ABI3BP: variants seen among roughly 807,000 people sequenced by gnomAD.
The protein encoded by ABI3BP is target of Nesh-SH3.
Under a neutral mutation model 268.6 loss-of-function variants are expected in ABI3BP, and 216 were observed. The observed-to-expected ratio is 0.80, with a 90% CI of 0.72 to 0.90. The LOEUF is 0.90. Ranked by LOEUF, ABI3BP falls within the 40% of genes least tolerant of loss-of-function variation. The probability of loss-of-function intolerance (pLI) is 0.00; values close to 1 mark genes in which losing one functional copy is unlikely to be tolerated. For missense variants in ABI3BP, 2,090 were observed against 2,182.4 expected, an observed-to-expected ratio of 0.96 and a Z score of 0.84; for synonymous variants, 730 against 730.0, an observed-to-expected ratio of 1.00 and a Z score of 0.00.
chr3:100,913,081 A>T (rs972927851), intron 2 of ABI3BP, among the ~76,000 whole-genome samples: 5 of 152,260 alleles, frequency 3.3e-5, no homozygotes, highest in African/African-American at 4.8e-5. Context: ...CACTTATTGA[A>T]AGGCTACTTA....
In ABI3BP at chr3:100,849,224, C is replaced by CTTTT. The variant is rs547312079; in HGVS notation, c.1502-353_1502-350dup. On this transcript the variant is annotated intron_variant, in intron 17 of 67. Transcript: ENST00000471714. The stretch of plus-strand genomic sequence containing the variant: ...CACAAATAATGGAAATTTGGAACTA[C>CTTTT]TTTTTTTTTTTTTTTTTTTGGAGAC... Among the ~76,000 whole-genome samples the CTTTT allele has an allele frequency of 2.0e-3, 248 of 125,500 alleles. 6 individuals carry two copies. The highest frequency in any genetic ancestry group is 2.6e-3 in the South Asian group (10 of 3,842). 82.3% of individuals were successfully genotyped at this position (125,500 alleles called of 152,430 possible).
At position 100,765,928 on chromosome 3, in the gene ABI3BP, TC is replaced by T; in HGVS notation, c.4762del (p.Glu1588LysfsTer14). ...GTTCTTCCCACTGAATGACCCATTT[TC>T]TCTGGATATAACTTCATATTCTGTA... ...TVTEYEVISRENGSFSGKNKS... is the reference protein window; with the variant it reads ...TVTEYEVISRXNGSFSGKNKS... On this transcript the variant is annotated frameshift_variant, in exon 63 of 68. Transcript: ENST00000471714. LOFTEE classifies it high-confidence loss of function. The T allele has an allele frequency of 6.2e-7, 1 of 1,611,722 alleles. No homozygotes were observed. Among genetic ancestry groups the T allele is most frequent in the South Asian group, 1.1e-5 (1 of 90,620 alleles).
chr3:100,913,158 T>G (rs2057380902), intron 2 of ABI3BP, among the ~76,000 whole-genome samples: 1 of 152,138 alleles, frequency 6.6e-6, no homozygotes, highest in South Asian at 2.1e-4. Flanking sequence ...ATTGTCCTAT[T>G]CCGGTGACAA....
chr3:100,969,712 G>C (rs2082748325), intron 1 of ABI3BP, among the ~76,000 whole-genome samples: 1 of 152,162 alleles, frequency 6.6e-6, no homozygotes, highest in Non-Finnish European at 1.5e-5. Context: ...AAGGAAGAAT[G>C]ACTTTTGCTG....
intron 1 of ABI3BP, among the ~76,000 whole-genome samples, chr3:100,983,912 T>A (rs950422596): frequency 6.6e-6 from 1 of 152,080 alleles, no homozygotes; most frequent in Admixed American, 6.6e-5. Flanking sequence ...AGTCTGAAAA[T>A]TTTTTCAAAC....
chr3:100,806,834 T>C (rs1017434583), intron 50 of ABI3BP, among the ~76,000 whole-genome samples: 2 of 151,778 alleles, frequency 1.3e-5, no homozygotes, highest in Non-Finnish European at 2.9e-5. Context: ...TGGCTAAAAG[T>C]CTAAGTCAAA....
chr3:100,823,000 C>G (rs998537699), intron 37 of ABI3BP, among the ~76,000 whole-genome samples: 1 of 152,098 alleles, frequency 6.6e-6, no homozygotes, highest in African/African-American at 2.4e-5. Flanking sequence ...TTACAACTTA[C>G]TCTTTCAATT....
At chr3:100,823,430 C>T in intron 37 of ABI3BP, 28 bp downstream of exon 37, 1 of 1,511,526 alleles carries the variant, frequency 6.6e-7, no homozygotes, top group South Asian at 1.2e-5. Flanking sequence ...GCAAAAGAAG[C>T]TTGTCGAAAA....
rs9813730 is a variant in ABI3BP, at chr3:100,750,431, C to T, written c.*64G>A. ...TAAACAAAATAGCTTTAAATGAATG[C>T]GGCATAGTATTTTCAATGATTTTTG... On this transcript the variant is annotated 3_prime_UTR_variant, in exon 68 of 68. Transcript: ENST00000471714. 21,538 of 1,258,160 alleles carry T rather than the reference C, an allele frequency of 0.017. 1,626 individuals carry two copies. In the African/African-American group the frequency reaches 0.21, roughly 12 times the overall value. The allele number at this position is 1,258,160 out of a possible 1,614,324, so 77.9% of individuals were successfully genotyped here.
intron 54 of ABI3BP, 106 bp from the exon 55 acceptor site, chr3:100,792,874 T>C: frequency 1.1e-6 from 1 of 937,970 alleles, no homozygotes. Flanking sequence ...AAAGGATAAG[T>C]TGCATTTAGA....
chr3:100,926,573 T>C, intron 1 of ABI3BP, 92 bp from the exon 2 acceptor site: 1 of 1,208,592 alleles, frequency 8.3e-7, no homozygotes. Context: ...CTAGAGGCAT[T>C]GTTCTTGAAA....
intron 4 of ABI3BP, among the ~76,000 whole-genome samples, chr3:100,890,493 C>A (rs1320061752): frequency 1.3e-5 from 2 of 152,166 alleles, no homozygotes; most frequent in Admixed American, 6.5e-5. Context: ...AGATCTCCAA[C>A]CTTTCCCTTG....
intron 42 of ABI3BP, among the ~76,000 whole-genome samples, 199 bp from the exon 43 acceptor site, chr3:100,816,967 G>T (rs2098070842): frequency 6.6e-6 from 1 of 152,170 alleles, no homozygotes; most frequent in African/African-American, 2.4e-5. Context: ...GTTGAAAAGT[G>T]AAGAGACTCA....
In ABI3BP at chr3:100,828,377, C is replaced by A; in HGVS notation, c.2602+16G>T. The A allele has an allele frequency of 6.5e-7, 1 of 1,528,458 alleles. No homozygotes were observed. Among genetic ancestry groups the A allele is most frequent in the Non-Finnish European group, 8.8e-7 (1 of 1,140,312 alleles). 94.7% of individuals were successfully genotyped at this position (1,528,458 alleles called of 1,614,324 possible). On this transcript the variant is annotated intron_variant, in intron 34 of 67. Coordinates refer to ENST00000471714, the MANE Select transcript of ABI3BP (RefSeq NM_001375547.2). Reference sequence around the variant, plus strand: ...AGCAGAAAAAGCACTTGCTGAAGATCAAAAAGTGGCATTACCGAATGTTGT... The same window carrying A: ...AGCAGAAAAAGCACTTGCTGAAGATAAAAAAGTGGCATTACCGAATGTTGT...
At chr3:100,950,661 C>T (rs1386276487) in intron 1 of ABI3BP, among the ~76,000 whole-genome samples, 1 of 152,006 alleles carries the variant, frequency 6.6e-6, no homozygotes, top group Non-Finnish European at 1.5e-5. Flanking sequence ...CTATCAACAT[C>T]TCTTGCTGGT....
intron 2 of ABI3BP, among the ~76,000 whole-genome samples, chr3:100,926,017 T>A (rs1177539063): frequency 1.3e-5 from 2 of 152,132 alleles, no homozygotes; most frequent in Admixed American, 1.3e-4. Flanking sequence ...ATAAAATATG[T>A]TACAGAGACT....
At chr3:100,786,474 T>G (rs770717686) in intron 57 of ABI3BP, among the ~76,000 whole-genome samples, 3 of 152,204 alleles carry the variant, frequency 2.0e-5, no homozygotes, top group Non-Finnish European at 4.4e-5. Flanking sequence ...CCCTGAGAGA[T>G]AATTGCATGC....
chr3:100,814,282 T>C (rs1014743862), intron 44 of ABI3BP, among the ~76,000 whole-genome samples: 3 of 152,164 alleles, frequency 2.0e-5, no homozygotes, highest in Non-Finnish European at 2.9e-5. Flanking sequence ...TCTCAGTTCC[T>C]ACAAGAGCTA....
At chr3:100,924,587 T>C (rs997064711) in intron 2 of ABI3BP, among the ~76,000 whole-genome samples, 4 of 152,140 alleles carry the variant, frequency 2.6e-5, no homozygotes, top group African/African-American at 9.7e-5. Flanking sequence ...TGAAGGTTCA[T>C]TTTAATACTC....
Sources: gnomAD v4.1 joint callset for allele counts (sites outside exome capture counted in the v4.1 genomes callset) on GRCh38, gnomAD v4.1.1 for gene constraint, MANE v1.5 for transcripts, NCBI Gene and HGNC (gene_info 2026-07-23, HGNC 2026-07-21) for gene names.